The following PPARGC1A variants were observed in gnomAD, a reference collection of about 807,000 sequenced individuals.
The protein encoded by PPARGC1A is peroxisome proliferator-activated receptor gamma coactivator 1-alpha.
In PPARGC1A, 25 loss-of-function variants were observed where a neutral mutation model predicts 88.7. The observed-to-expected ratio is 0.28, with a 90% CI of 0.21 to 0.39. The LOEUF (loss-of-function observed/expected upper bound fraction) is 0.39, where lower values mean the gene tolerates loss of function less well. PPARGC1A is among the 10% of genes least tolerant of loss of function. The pLI is 1.00. For missense variants in PPARGC1A, 880 were observed against 968.7 expected (o/e 0.91, Z 1.22); for synonymous variants, 363 against 355.6 (o/e 1.02, Z -0.24).
At chr4:23,934,639 C>T in the PPARGC1A span, among the ~76,000 whole-genome samples, 1 of 152,188 alleles carries the variant, frequency 6.6e-6, no homozygotes, top group South Asian at 2.1e-4. Flanking sequence ...GACATAACTA[C>T]ATGTGTGTGG....
the PPARGC1A span, among the ~76,000 whole-genome samples, chr4:24,236,327 G>C: frequency 6.6e-6 from 1 of 152,092 alleles, no homozygotes; most frequent in East Asian, 1.9e-4. Context: ...TGGCACTAAG[G>C]TAGTCATAAA....
At chr4:24,421,943 A>G in the PPARGC1A span, among the ~76,000 whole-genome samples, 1 of 152,244 alleles carries the variant, frequency 6.6e-6, no homozygotes, top group Admixed American at 6.5e-5. Context: ...GGTTAAAAAA[A>G]AAATAACGTA....
At chr4:24,364,102 C>T in the PPARGC1A span, among the ~76,000 whole-genome samples, 2 of 152,160 alleles carry the variant, frequency 1.3e-5, no homozygotes, top group Non-Finnish European at 2.9e-5. Flanking sequence ...ACAACTGCCA[C>T]AACTGCAAAA....
At chr4:24,022,645 C>G in the PPARGC1A span, among the ~76,000 whole-genome samples, 4 of 152,158 alleles carry the variant, frequency 2.6e-5, no homozygotes, top group Non-Finnish European at 4.4e-5. Flanking sequence ...TAACAGGAAT[C>G]AGAACCCCTA....
At chr4:24,356,525 C>T in the PPARGC1A span, among the ~76,000 whole-genome samples, 1 of 152,138 alleles carries the variant, frequency 6.6e-6, no homozygotes, top group Non-Finnish European at 1.5e-5. Flanking sequence ...TTCAATGTGT[C>T]GGCCACACAT....
chr4:23,881,508 A>C (rs886435607), intron 2 of PPARGC1A, among the ~76,000 whole-genome samples: 4 of 152,210 alleles, frequency 2.6e-5, no homozygotes, highest in African/African-American at 9.6e-5. Context: ...ACTTAGATTC[A>C]AACATATGGA....
the PPARGC1A span, among the ~76,000 whole-genome samples, chr4:24,198,389 C>A: frequency 6.6e-6 from 1 of 152,150 alleles, no homozygotes; most frequent in Non-Finnish European, 1.5e-5. Context: ...CTTACAGGGT[C>A]GCTGCTCCTA....
At chr4:23,956,954 T>C in the PPARGC1A span, among the ~76,000 whole-genome samples, 1 of 152,228 alleles carries the variant, frequency 6.6e-6, no homozygotes, top group East Asian at 1.9e-4. Flanking sequence ...AGTTCCATTT[T>C]ACAGATAACG....
At chr4:23,827,992 A>T (rs1724299666) in intron 5 of PPARGC1A, among the ~76,000 whole-genome samples, 1 of 152,196 alleles carries the variant, frequency 6.6e-6, no homozygotes, top group African/African-American at 2.4e-5. Context: ...CTACTTCTTA[A>T]GGTGTATATA....
the PPARGC1A span, among the ~76,000 whole-genome samples, chr4:24,174,913 G>A: frequency 6.6e-6 from 1 of 152,160 alleles, no homozygotes; most frequent in Admixed American, 6.5e-5. Context: ...CCTGCCCAAC[G>A]CAGGGCCTCT....
At chr4:24,460,156 T>C in the PPARGC1A span, among the ~76,000 whole-genome samples, 1 of 152,230 alleles carries the variant, frequency 6.6e-6, no homozygotes. Context: ...ACAGATTTAG[T>C]CATTATTCCT....
chr4:23,828,495 G>A lies in PPARGC1A; in HGVS notation c.662C>T (p.Pro221Leu). 1.5e-5 allele frequency: 25 copies of A among 1,614,094 alleles called. No individual in the cohort carries two copies. The highest frequency in any genetic ancestry group is 2.1e-5 in the Non-Finnish European group (25 of 1,179,980). The change falls in exon 5 of 13, where the codon CCT becomes CTT. Residue 221 changes from proline to leucine, a missense_variant. Physicochemically the swap from Pro to Leu is moderately conservative, Grantham distance 98. Coordinates refer to ENST00000264867, the MANE Select transcript of PPARGC1A (RefSeq NM_013261.5). ...LKYLTTNDDPPHTKPTENRNS... is the reference protein window; with the variant it reads ...LKYLTTNDDPLHTKPTENRNS... ...TCTGTTCTCTGTGGGTTTGGTGTGA[G>A]GAGGGTCATCGTTTGTGGTCAGATA...
At chr4:24,390,019 A>G in the PPARGC1A span, among the ~76,000 whole-genome samples, 5 of 152,192 alleles carry the variant, frequency 3.3e-5, no homozygotes, top group Non-Finnish European at 7.4e-5. Flanking sequence ...TTTTAATGGT[A>G]TAGTAAAACT....
the PPARGC1A span, among the ~76,000 whole-genome samples, chr4:24,455,720 A>T: frequency 2.0e-5 from 3 of 152,196 alleles, no homozygotes; most frequent in Non-Finnish European, 4.4e-5. Flanking sequence ...TGAGCTTATT[A>T]TAAGAGGGAG....
intron 2 of PPARGC1A, among the ~76,000 whole-genome samples, chr4:23,882,392 G>A (rs952433913): frequency 1.3e-5 from 2 of 152,168 alleles, no homozygotes; most frequent in Admixed American, 1.3e-4. Flanking sequence ...TTATTTAAAA[G>A]CAGGGTTTTT....
chr4:23,832,492 CTT>C (rs1213471198), intron 2 of PPARGC1A, among the ~76,000 whole-genome samples: 2 of 152,068 alleles, frequency 1.3e-5, no homozygotes, highest in Admixed American at 6.6e-5. Context: ...TATTTTTACT[CTT>C]CTTTCTGTGA....
chr4:23,851,424 G>T (rs2148664783), intron 2 of PPARGC1A, among the ~76,000 whole-genome samples: 1 of 152,260 alleles, frequency 6.6e-6, no homozygotes, highest in Admixed American at 6.5e-5. Context: ...TATGGTAATT[G>T]AAACCACAGA....
chr4:24,217,508 A>G, the PPARGC1A span, among the ~76,000 whole-genome samples: 1 of 152,086 alleles, frequency 6.6e-6, no homozygotes, highest in African/African-American at 2.4e-5. Flanking sequence ...GGCCTGGTAT[A>G]AGAGAACATG....
chr4:24,248,238 C>T, the PPARGC1A span, among the ~76,000 whole-genome samples: 1 of 152,128 alleles, frequency 6.6e-6, no homozygotes, highest in Non-Finnish European at 1.5e-5. Flanking sequence ...CATTCTCCTG[C>T]CTCAGCCTCC....
Sources: gnomAD v4.1 joint callset for allele counts (sites outside exome capture counted in the v4.1 genomes callset) on GRCh38, gnomAD v4.1.1 for gene constraint, MANE v1.5 for transcripts, NCBI Gene and HGNC (gene_info 2026-07-23, HGNC 2026-07-21) for gene names.